Variants in UVSSA observed in about 807,000 individuals in gnomAD.
UVSSA encodes UV-stimulated scaffold protein A.
In UVSSA, 72 loss-of-function variants were observed where a neutral mutation model predicts 73.9. That is an observed-to-expected ratio of 0.97 (90% CI 0.81 to 1.19). The LOEUF (loss-of-function observed/expected upper bound fraction) is 1.19. Ranked by LOEUF, UVSSA falls within the 50% of genes most tolerant of loss-of-function variation. The probability of loss-of-function intolerance (pLI) is 0.00; values close to 1 mark genes in which losing one functional copy is unlikely to be tolerated. For missense variants in UVSSA, 1,150 were observed against 965.0 expected, an observed-to-expected ratio of 1.19 and a Z score of -2.54; for synonymous variants, 454 against 391.3, an observed-to-expected ratio of 1.16 and a Z score of -1.89.
At chr4:1,383,447 C>G (rs1304692209) in intron 12 of UVSSA, among the ~76,000 whole-genome samples, 2 of 152,200 alleles carry the variant, frequency 1.3e-5, no homozygotes, top group African/African-American at 4.8e-5. Context: ...CCCATGGGTG[C>G]CCTAGGAGTG....
chr4:1,384,258 C>T, intron 13 of UVSSA: 1 of 362,360 alleles, frequency 2.8e-6, no homozygotes, highest in Non-Finnish European at 5.1e-6. Context: ...AGAGTGAGCC[C>T]CTCGTCTCTC....
rs1715030914 is a variant in UVSSA, at chr4:1,353,017, G to A, written c.551-13G>A. ...ACATAGCGCAGCAAACAGGTGTCTT[G>A]ATCTTCCGGCAGAAATGTCTGGAGA... On this transcript the variant is annotated splice_polypyrimidine_tract_variant and intron_variant, in intron 4 of 13. Transcript: ENST00000389851. The A allele has an allele frequency of 6.3e-7, 1 of 1,599,864 alleles. No individual in the cohort carries two copies. The highest frequency in any genetic ancestry group is 2.2e-5 in the East Asian group (1 of 44,758).
At position 1,395,715 on chromosome 4, in the gene UVSSA, G is replaced by T. The variant is rs552712734; in HGVS notation, c.*9754G>T. 3.7e-4 allele frequency: 598 copies of T among 1,614,216 alleles called. 8 individuals are homozygous for T. In the South Asian group the frequency reaches 6.1e-3, roughly 16 times the overall value. On this transcript the variant is annotated 3_prime_UTR_variant, in exon 14 of 14. Transcript: ENST00000511216. ...GCCCGCCTGCTCACACAAAGCCCTG[G>T]CATGGTGGTTCTGTAGGTTTCCTGT...
intron 7 of UVSSA, among the ~76,000 whole-genome samples, chr4:1,360,159 G>A (rs775382767): frequency 3.3e-5 from 5 of 152,356 alleles, no homozygotes; most frequent in African/African-American, 1.2e-4. Context: ...GTGCGCCACC[G>A]CATCCCAAGG....
intron 4 of UVSSA, 123 bp from the exon 5 acceptor site, chr4:1,352,907 T>C: frequency 2.3e-6 from 3 of 1,310,138 alleles, no homozygotes; most frequent in Non-Finnish European, 3.1e-6. Context: ...ATTGCACCAC[T>C]GCATTCCACC....
intron 2 of UVSSA, 40 bp downstream of exon 2, chr4:1,348,229 C>G: frequency 6.6e-7 from 1 of 1,514,806 alleles, no homozygotes; most frequent in Non-Finnish European, 9.2e-7. Flanking sequence ...GACTGGCCCA[C>G]TGAGCCCAGG....
chr4:1,394,991 A>T, exon 14 of UVSSA: 1 of 1,578,948 alleles, frequency 6.3e-7, no homozygotes, highest in Non-Finnish European at 8.6e-7. Flanking sequence ...GCCTGCTCAC[A>T]CGTGCCGACG....
At chr4:1,365,271 C>T (rs1717160058) in intron 7 of UVSSA, among the ~76,000 whole-genome samples, 1 of 152,216 alleles carries the variant, frequency 6.6e-6, no homozygotes, top group African/African-American at 2.4e-5. Flanking sequence ...GACAGCTTGG[C>T]GTTCTGTTAG....
At chr4:1,380,788 C>A (rs757584838) in intron 11 of UVSSA, 92 bp from the exon 12 acceptor site, 24 of 1,587,820 alleles carry the variant, frequency 1.5e-5, no homozygotes, top group Non-Finnish European at 2.0e-5. Context: ...CCACCCTGGT[C>A]GCTGTTTGTG....
intron 7 of UVSSA, among the ~76,000 whole-genome samples, chr4:1,359,672 G>A (rs975869538): frequency 5.9e-5 from 9 of 152,114 alleles, no homozygotes; most frequent in African/African-American, 2.2e-4. Flanking sequence ...ACATGGGTTT[G>A]GCCGTGGATG....
intron 12 of UVSSA, among the ~76,000 whole-genome samples, chr4:1,381,765 A>G (rs1719531361): frequency 7.1e-6 from 1 of 141,370 alleles, no homozygotes; most frequent in African/African-American, 2.7e-5. Flanking sequence ...ATGGCCTCCC[A>G]GGTTCGAGCG....
intron 10 of UVSSA, among the ~76,000 whole-genome samples, chr4:1,377,253 G>A (rs574466638): frequency 2.1e-4 from 32 of 152,298 alleles, no homozygotes; most frequent in African/African-American, 6.7e-4. Context: ...CCCGAGTGCC[G>A]GGACGTCCTG....
chr4:1,349,573 C>T lies in UVSSA; in HGVS notation c.148C>T (p.Leu50=). ...CGCCTACCGCCTGCTGATAGCACAG[C>T]TGACCCAGGAGCACGCCGAGATCCG... ...SRAYRLLIAQ[L]TQEHAEIRLS... is the part of the protein sequence containing the mutation. Residue 50 remains leucine, a synonymous_variant, in exon 3 of 14, where the codon CTG becomes TTG. Coordinates refer to ENST00000389851, the MANE Select transcript of UVSSA (RefSeq NM_020894.4). The T allele has an allele frequency of 1.2e-6, 2 of 1,614,050 alleles. No individual in the cohort carries two copies. Among genetic ancestry groups the T allele is most frequent in the Non-Finnish European group, 1.7e-6 (2 of 1,180,024 alleles).
rs1350927390 is a variant in UVSSA at position 1,380,084 on chromosome 4, G to A, written c.1606G>A (p.Val536Met). The A allele has an allele frequency of 6.2e-7, 1 of 1,611,990 alleles. No individual in the cohort carries two copies. The highest frequency in any genetic ancestry group is 1.1e-5 in the South Asian group (1 of 90,732). The change falls in exon 11 of 14, where the codon GTG becomes ATG. Residue 536 changes from valine (V) to methionine (M), a missense_variant. Coordinates refer to ENST00000389851, the MANE Select transcript of UVSSA (RefSeq NM_020894.4). Reference protein sequence around the residue: ...SQHRFWKPSEVEEEVVNADIS... With the variant: ...SQHRFWKPSEMEEEVVNADIS... ...GCACCGCTTCTGGAAGCCCAGCGAG[G>A]TGGAGGAGGAAGTGGTCAATGCCGA...
At position 1,387,494 on chromosome 4, in the gene UVSSA, T is replaced by C. The variant is rs367828941; in HGVS notation, c.*1533T>C. ...ATCTGTTTTTTTCTTTTGTTGCTTA[T>C]GCTTTTGCTGTCACATTTCAGAAGC... On this transcript the variant is annotated 3_prime_UTR_variant, in exon 14 of 14. Transcript: ENST00000389851. 3.3e-5 allele frequency: 5 copies of C among 152,264 alleles called. No individual in the cohort carries two copies. The South Asian group carries it at 1.0e-3, about 31-fold the overall frequency. 9.4% of individuals were successfully genotyped at this position (152,264 alleles called of 1,614,324 possible). A position where few individuals can be genotyped will look rare whatever the true frequency, so the allele number is the denominator to read the frequency against.
chr4:1,395,405 G>A (rs201123689), exon 14 of UVSSA: 1 of 1,584,482 alleles, frequency 6.3e-7, no homozygotes, highest in Admixed American at 1.7e-5. Flanking sequence ...CCCATGTGGA[G>A]TGCCCGCCTG....
At chr4:1,391,325 A>G (rs1017496185), downstream of UVSSA, 3 of 152,394 alleles carry the variant, frequency 2.0e-5, no homozygotes, top group Middle Eastern at 3.1e-3. Context: ...GTAGTGTTGT[A>G]TAGAAGCCTG....
rs543931635 is a variant in UVSSA, at chr4:1,348,604, G to T, written c.98+415G>T. On this transcript the variant is annotated intron_variant, in intron 2 of 13. Coordinates refer to ENST00000389851, the MANE Select transcript of UVSSA (RefSeq NM_020894.4). ...TCTGTTCACTTCCTCCAAGGAAAAC[G>T]CCGGAGGGGATCTCTGCCGTCACCC... Among the ~76,000 whole-genome samples, 10 of 152,344 alleles carry T rather than the reference G, an allele frequency of 6.6e-5. No individual in the cohort carries two copies. The South Asian group carries it at 2.1e-3, about 32-fold the overall frequency.
Position 1,371,539 on chromosome 4 carries a change from G to A in UVSSA, c.1289-3825G>A, listed in dbSNP as rs567290850. On this transcript the variant is annotated intron_variant, in intron 8 of 13. Transcript: ENST00000389851. The stretch of plus-strand genomic sequence containing the variant: ...CTGATAAGGACATACCTGAGACTGG[G>A]CAATTTACAGAAGAAAGAGGTTTAC... Among the ~76,000 whole-genome samples the A allele has an allele frequency of 9.8e-5, 15 of 152,294 alleles. No individual in the cohort carries two copies. The South Asian group carries it at 3.1e-3, about 32-fold the overall frequency.
Sources: gnomAD v4.1 joint callset for allele counts (sites outside exome capture counted in the v4.1 genomes callset) on GRCh38, gnomAD v4.1.1 for gene constraint, MANE v1.5 for transcripts, NCBI Gene and HGNC (gene_info 2026-07-23, HGNC 2026-07-21) for gene names.